Variants in EYA3 observed in about 807,000 individuals in gnomAD.
EYA3 encodes the protein EYA transcriptional coactivator and phosphatase 3.
A neutral mutation model predicts 80.0 loss-of-function variants in EYA3; 39 were observed. The ratio of observed to expected loss-of-function variants is 0.49; its 90% confidence interval spans 0.38 to 0.64. EYA3 has a LOEUF of 0.64. Among genes scored for constraint, EYA3 ranks in the 30% least tolerant of loss-of-function variants. EYA3 has a pLI of 0.00. For missense variants in EYA3, 523 were observed against 676.1 expected, an observed-to-expected ratio of 0.77 and a Z score of 2.51; for synonymous variants, 206 against 232.8, an observed-to-expected ratio of 0.88 and a Z score of 1.05.
chr1:28,041,425 C>A (rs562627728), intron 4 of EYA3, among the ~76,000 whole-genome samples: 1 of 151,026 alleles, frequency 6.6e-6, no homozygotes, highest in Non-Finnish European at 1.5e-5. Context: ...TGGTGGCATG[C>A]GCCTGTAATC....
intron 3 of EYA3, among the ~76,000 whole-genome samples, chr1:28,043,211 T>G (rs1276735610): frequency 6.6e-6 from 1 of 152,086 alleles, no homozygotes; most frequent in Non-Finnish European, 1.5e-5. Context: ...GCTAAGTCAC[T>G]GGCAAGTCAG....
At position 28,085,557 on chromosome 1, in the gene EYA3, T is replaced by C. The variant is rs1358433968; in HGVS notation, c.-69+2967A>G. Among the ~76,000 whole-genome samples the C allele has an allele frequency of 3.3e-5, 5 of 152,110 alleles. No individual in the cohort carries two copies. In the East Asian group the frequency reaches 9.6e-4, roughly 29 times the overall value. On this transcript the variant is annotated intron_variant, in intron 1 of 17. Transcript: ENST00000373871. ...ACAAAACAAGTAAGACAAAGTACATTAGCAAATAAAATGACAAAAAAGAAC... is the reference window on the plus strand; with the variant it reads ...ACAAAACAAGTAAGACAAAGTACATCAGCAAATAAAATGACAAAAAAGAAC...
rs867572200 is a variant in EYA3 at position 28,050,381 on chromosome 1, T to C, written c.34-1955A>G. Among the ~76,000 whole-genome samples, 93 of 151,818 alleles carry C rather than the reference T, an allele frequency of 6.1e-4. 1 individual carries two copies. The highest frequency in any genetic ancestry group is 2.2e-3 in the African/African-American group (91 of 41,316). On this transcript the variant is annotated intron_variant, in intron 2 of 17. Coordinates refer to ENST00000373871, the MANE Select transcript of EYA3 (RefSeq NM_001990.4). ...CTAATTTTGCTATTTTTTCTATTTT[T>C]AGGAGAGACCGGGTTTCACCACATT...
At chr1:28,082,786 A>T (rs1645477697) in intron 1 of EYA3, among the ~76,000 whole-genome samples, 1 of 152,208 alleles carries the variant, frequency 6.6e-6, no homozygotes, top group African/African-American at 2.4e-5. Flanking sequence ...ATTAACTTCG[A>T]GGGGCCATTT....
chr1:28,076,700 A>AC (rs896693058), intron 1 of EYA3, among the ~76,000 whole-genome samples: 1 of 149,026 alleles, frequency 6.7e-6, no homozygotes, highest in African/African-American at 2.4e-5. Flanking sequence ...AGAAAAGAAA[A>AC]AAAATGTCTC....
At chr1:28,044,961 AG>A (rs1480104938) in intron 3 of EYA3, among the ~76,000 whole-genome samples, 1 of 152,052 alleles carries the variant, frequency 6.6e-6, no homozygotes, top group African/African-American at 2.4e-5. Context: ...TTGTAGAGAT[AG>A]GGTTTCATCA....
At chr1:28,034,265 T>A (rs955106863) in intron 6 of EYA3, among the ~76,000 whole-genome samples, 3 of 152,080 alleles carry the variant, frequency 2.0e-5, no homozygotes, top group Non-Finnish European at 4.4e-5. Flanking sequence ...GGGCTAATAA[T>A]AATAATTCAA....
intron 1 of EYA3, among the ~76,000 whole-genome samples, chr1:28,061,202 A>G (rs146017145): frequency 2.3e-4 from 35 of 152,368 alleles, no homozygotes; most frequent in African/African-American, 6.7e-4. Flanking sequence ...ACATTCTGGT[A>G]CATTCTGTAT....
chr1:28,008,330 A>G (rs1009541564), intron 10 of EYA3, among the ~76,000 whole-genome samples: 3 of 152,164 alleles, frequency 2.0e-5, no homozygotes, highest in Admixed American at 6.6e-5. Context: ...CTAAACGATG[A>G]AAATCTCAGA....
intron 1 of EYA3, among the ~76,000 whole-genome samples, chr1:28,064,850 T>C (rs1644772876): frequency 6.6e-6 from 1 of 152,146 alleles, no homozygotes; most frequent in South Asian, 2.1e-4. Flanking sequence ...ACGCAGGTGG[T>C]ATTATCATCC....
chr1:28,028,598 A>C (rs2148828370), intron 6 of EYA3, among the ~76,000 whole-genome samples: 1 of 150,548 alleles, frequency 6.6e-6, no homozygotes, highest in South Asian at 2.1e-4. Flanking sequence ...TTTTTTTTTA[A>C]ATAAGATAGG....
intron 8 of EYA3, among the ~76,000 whole-genome samples, chr1:28,015,310 T>C (rs917407329): frequency 6.6e-6 from 1 of 152,234 alleles, no homozygotes; most frequent in African/African-American, 2.4e-5. Flanking sequence ...AGGACCTCTG[T>C]AGGCCTGAAT....
rs1638701712 is a variant in EYA3, at chr1:27,970,886, C to CCT, written c.*3578_*3579dup. The CCT allele has an allele frequency of 1.3e-5, 2 of 152,210 alleles. No homozygotes were observed. Among genetic ancestry groups the CCT allele is most frequent in the Admixed American group, 1.3e-4 (2 of 15,278 alleles). 9.4% of individuals were successfully genotyped at this position (152,210 alleles called of 1,614,324 possible). A position where few individuals can be genotyped will look rare whatever the true frequency, so the allele number is the denominator to read the frequency against. ...CCAGACCATTGCTCTACCCCATACT[C>CCT]CTCTCCCCTGTGGTTCAGTGACACT... On this transcript the variant is annotated 3_prime_UTR_variant, in exon 18 of 18. Transcript: ENST00000373871.
intron 11 of EYA3, among the ~76,000 whole-genome samples, chr1:28,001,529 A>G (rs958619294): frequency 6.9e-6 from 1 of 144,550 alleles, no homozygotes; most frequent in Non-Finnish European, 1.5e-5. Flanking sequence ...CAGGTGGATC[A>G]TGAGGTCAGG....
At chr1:28,020,478 T>A (rs1642355288) in intron 7 of EYA3, among the ~76,000 whole-genome samples, 1 of 152,128 alleles carries the variant, frequency 6.6e-6, no homozygotes, top group Non-Finnish European at 1.5e-5. Flanking sequence ...TAAGACAAAG[T>A]CCTGGCCCTC....
At chr1:28,050,593 T>A (rs188317096) in intron 2 of EYA3, among the ~76,000 whole-genome samples, 534 of 152,230 alleles carry the variant, frequency 3.5e-3, no homozygotes, top group Non-Finnish European at 5.4e-3. Context: ...AGAGTATATA[T>A]TCATAAATAG....
chr1:28,069,669 G>C (rs894151833), intron 1 of EYA3, among the ~76,000 whole-genome samples: 1 of 150,980 alleles, frequency 6.6e-6, no homozygotes, highest in Non-Finnish European at 1.5e-5. Flanking sequence ...GAAGAGAGGA[G>C]GGGGGAAATC....
chr1:28,047,350 G>A (rs1644049951), intron 3 of EYA3, among the ~76,000 whole-genome samples: 1 of 152,036 alleles, frequency 6.6e-6, no homozygotes. Flanking sequence ...TCTCTTATAA[G>A]GAAGAAACTA....
chr1:28,020,127 T>C (rs866011991), intron 7 of EYA3, among the ~76,000 whole-genome samples: 5 of 152,180 alleles, frequency 3.3e-5, no homozygotes, highest in East Asian at 1.9e-4. Flanking sequence ...ACTTAATGAA[T>C]TGTACTGGAG....
Sources: gnomAD v4.1 joint callset for allele counts (sites outside exome capture counted in the v4.1 genomes callset) on GRCh38, gnomAD v4.1.1 for gene constraint, MANE v1.5 for transcripts, NCBI Gene and HGNC (gene_info 2026-07-23, HGNC 2026-07-21) for gene names.